The following VSNL1 variants were observed in gnomAD, a reference collection of about 807,000 sequenced individuals.
VSNL1 encodes visinin like 1.
Under a neutral mutation model 20.4 loss-of-function variants are expected in VSNL1, and 6 were observed. That is an observed-to-expected ratio of 0.29 (90% CI 0.16 to 0.58). VSNL1 has a LOEUF of 0.58. Ranked by LOEUF, VSNL1 falls within the 20% of genes least tolerant of loss-of-function variation. VSNL1 has a pLI of 0.90. For synonymous variants in VSNL1, 93 were observed against 86.4 expected (o/e 1.08, Z -0.42); for missense variants, 100 against 234.5 (o/e 0.43, Z 3.75).
At chr2:17,609,285 C>T (rs1442888050) in intron 2 of VSNL1, among the ~76,000 whole-genome samples, 1 of 152,132 alleles carries the variant, frequency 6.6e-6, no homozygotes, top group Non-Finnish European at 1.5e-5. Context: ...GGGAGCATGT[C>T]CTTCCCCTCA....
At chr2:17,547,017 G>A (rs1663420227) in intron 1 of VSNL1, among the ~76,000 whole-genome samples, 1 of 152,018 alleles carries the variant, frequency 6.6e-6, no homozygotes, top group Non-Finnish European at 1.5e-5. Flanking sequence ...TCATTCTTGA[G>A]TGAGATGAAA....
At chr2:17,633,811 GA>G (rs1276092761) in intron 2 of VSNL1, among the ~76,000 whole-genome samples, 4 of 152,184 alleles carry the variant, frequency 2.6e-5, no homozygotes, top group African/African-American at 9.7e-5. Flanking sequence ...GCAGGGGAGA[GA>G]GTTGGAATAT....
intron 1 of VSNL1, among the ~76,000 whole-genome samples, chr2:17,577,888 C>T (rs1664255162): frequency 6.6e-6 from 1 of 152,092 alleles, no homozygotes; most frequent in Non-Finnish European, 1.5e-5. Flanking sequence ...GGCTAAGGGT[C>T]TGTCAGGGTT....
chr2:17,575,385 A>G (rs1664183096), intron 1 of VSNL1, among the ~76,000 whole-genome samples: 2 of 152,226 alleles, frequency 1.3e-5, no homozygotes, highest in African/African-American at 4.8e-5. Context: ...AATAATTGAA[A>G]TAACACAATA....
intron 2 of VSNL1, among the ~76,000 whole-genome samples, chr2:17,609,878 A>T (rs1006651540): frequency 1.3e-5 from 2 of 152,180 alleles, no homozygotes; most frequent in Non-Finnish European, 2.9e-5. Context: ...ACAACCCCCC[A>T]CTGCCATCAT....
At chr2:17,641,329 C>T (rs140182563) in intron 2 of VSNL1, among the ~76,000 whole-genome samples, 9 of 152,356 alleles carry the variant, frequency 5.9e-5, no homozygotes, top group Non-Finnish European at 8.8e-5. Context: ...CAAGCTACTA[C>T]CAAGCACCTT....
chr2:17,591,464 A>C (rs1664592400), intron 1 of VSNL1, among the ~76,000 whole-genome samples: 1 of 152,236 alleles, frequency 6.6e-6, no homozygotes, highest in East Asian at 1.9e-4. Flanking sequence ...GTCAACTCTG[A>C]AGACAATGTT....
At chr2:17,592,288 TTC>T in intron 2 of VSNL1, 52 bp downstream of exon 2, 1 of 1,575,046 alleles carries the variant, frequency 6.3e-7, no homozygotes, top group Non-Finnish European at 8.7e-7. Flanking sequence ...AACTATGGCC[TTC>T]ATGAAATTGT....
At chr2:17,590,665 A>G (rs1247785626) in intron 1 of VSNL1, among the ~76,000 whole-genome samples, 1 of 152,168 alleles carries the variant, frequency 6.6e-6, no homozygotes, top group Non-Finnish European at 1.5e-5. Flanking sequence ...GAATTGGCCA[A>G]TGTTGGGGCA....
chr2:17,615,303 A>G (rs1355115223), intron 2 of VSNL1, among the ~76,000 whole-genome samples: 1 of 152,080 alleles, frequency 6.6e-6, no homozygotes, highest in African/African-American at 2.4e-5. Context: ...TTGTCACTTA[A>G]AGTTTTCACA....
At chr2:17,592,753 G>T (rs1252114456) in intron 2 of VSNL1, among the ~76,000 whole-genome samples, 3 of 146,906 alleles carry the variant, frequency 2.0e-5, no homozygotes, top group African/African-American at 7.5e-5. Flanking sequence ...AGGGGTGGGG[G>T]AGTGTAGCGT....
At chr2:17,648,618 T>G (rs1322564056) in intron 2 of VSNL1, among the ~76,000 whole-genome samples, 3 of 152,208 alleles carry the variant, frequency 2.0e-5, no homozygotes, top group African/African-American at 7.2e-5. Context: ...TCCTTGTTAA[T>G]TATCAGAACT....
intron 3 of VSNL1, among the ~76,000 whole-genome samples, chr2:17,650,257 A>G (rs1666096057): frequency 6.6e-6 from 1 of 152,110 alleles, no homozygotes; most frequent in Admixed American, 6.5e-5. Flanking sequence ...TCTCCCAGAG[A>G]GGTCTTCCTT....
rs577645541 is a variant in VSNL1, at chr2:17,653,391, C to T, written c.379-1806C>T. On this transcript the variant is annotated intron_variant, in intron 3 of 3. Transcript: ENST00000295156. ...TGCCTCATGTAAGGGCTTTTGATTT[C>T]GCCTTTTAAAGGCCAGGGTGAGAGT... Among the ~76,000 whole-genome samples, 5 of 152,300 alleles carry T rather than the reference C, an allele frequency of 3.3e-5. No individual in the cohort carries two copies. In the South Asian group the frequency reaches 6.2e-4, roughly 19 times the overall value.
chr2:17,636,236 G>C (rs1300018992), intron 2 of VSNL1, among the ~76,000 whole-genome samples: 3 of 151,902 alleles, frequency 2.0e-5, no homozygotes, highest in Non-Finnish European at 4.4e-5. Flanking sequence ...TGAAAACATG[G>C]ATTCCACCAA....
At chr2:17,620,659 A>G (rs539918247) in intron 2 of VSNL1, among the ~76,000 whole-genome samples, 18 of 152,352 alleles carry the variant, frequency 1.2e-4, no homozygotes, top group Admixed American at 2.6e-4. Context: ...TATGCTATTC[A>G]TGATATTATC....
At chr2:17,575,728 G>A (rs200030582) in intron 1 of VSNL1, among the ~76,000 whole-genome samples, 1 of 151,840 alleles carries the variant, frequency 6.6e-6, no homozygotes, top group Non-Finnish European at 1.5e-5. Context: ...GTAGAGACGG[G>A]GTTTCACCAT....
intron 1 of VSNL1, among the ~76,000 whole-genome samples, chr2:17,573,292 A>G (rs190170057): frequency 2.0e-5 from 3 of 152,304 alleles, no homozygotes; most frequent in South Asian, 2.1e-4. Flanking sequence ...GGTGACCCCT[A>G]TGGGTCTTAC....
At chr2:17,631,078 C>T (rs1449642033) in intron 2 of VSNL1, among the ~76,000 whole-genome samples, 1 of 152,120 alleles carries the variant, frequency 6.6e-6, no homozygotes, top group Admixed American at 6.5e-5. Flanking sequence ...CTGTGCGCAG[C>T]CCAAAATGGC....
Sources: allele counts gnomAD v4.1 joint callset (sites outside exome capture counted in the v4.1 genomes callset), GRCh38; gene constraint gnomAD v4.1.1; transcripts MANE v1.5; gene names NCBI Gene and HGNC (gene_info 2026-07-23, HGNC 2026-07-21).